The following IQCJ variants were observed in gnomAD, a reference collection of about 807,000 sequenced individuals.
The protein encoded by IQCJ is IQ motif containing J.
IQCJ carries 9 observed loss-of-function variants against 11.0 expected under a neutral mutation model. The observed-to-expected ratio is 0.82, with a 90% CI of 0.49 to 1.43. The LOEUF is 1.43. Among genes scored for constraint, IQCJ ranks in the 40% most tolerant of loss-of-function variants. The pLI, the probability that IQCJ is intolerant of heterozygous loss-of-function variation, is 0.00. For synonymous variants in IQCJ, 55 were observed against 51.3 expected (o/e 1.07, Z -0.31); for missense variants, 146 against 133.2 (o/e 1.10, Z -0.47).
At chr3:159,102,640 AT>A (rs1718006535) in intron 1 of IQCJ, among the ~76,000 whole-genome samples, 2 of 152,228 alleles carry the variant, frequency 1.3e-5, no homozygotes, top group African/African-American at 2.4e-5. Context: ...ATTGGCACTA[AT>A]GGCTTTGAAG....
chr3:159,154,622 G>A (rs1721413753), intron 1 of IQCJ, among the ~76,000 whole-genome samples: 1 of 152,114 alleles, frequency 6.6e-6, no homozygotes, highest in South Asian at 2.1e-4. Context: ...TGGTCTAGAG[G>A]TTTGGTCTAC....
chr3:159,117,167 A>G (rs1164000631), intron 1 of IQCJ, among the ~76,000 whole-genome samples: 1 of 152,172 alleles, frequency 6.6e-6, no homozygotes, highest in African/African-American at 2.4e-5. Context: ...AGCCCACATG[A>G]ATGTCACTAA....
At chr3:159,243,843 A>G (rs913584480) in intron 1 of IQCJ, among the ~76,000 whole-genome samples, 1 of 152,244 alleles carries the variant, frequency 6.6e-6, no homozygotes, top group African/African-American at 2.4e-5. Flanking sequence ...TAACCTAGAA[A>G]GCAGGGCAAT....
chr3:159,264,435 G>C (rs536502682), downstream of IQCJ, among the ~76,000 whole-genome samples: 15 of 152,298 alleles, frequency 9.8e-5, no homozygotes, highest in African/African-American at 3.6e-4. Flanking sequence ...TTAGCCTCCT[G>C]ATTCCTTGTT....
intron 1 of IQCJ, among the ~76,000 whole-genome samples, chr3:159,214,061 C>T (rs1302269420): frequency 1.3e-5 from 2 of 152,126 alleles, no homozygotes; most frequent in African/African-American, 4.8e-5. Flanking sequence ...TTACTTCCTG[C>T]TGATTCCTAA....
chr3:159,179,535 A>G (rs964395644), intron 1 of IQCJ, among the ~76,000 whole-genome samples: 1 of 152,176 alleles, frequency 6.6e-6, no homozygotes, highest in Admixed American at 6.5e-5. Flanking sequence ...AGGCTCTCAA[A>G]AGTGTGAATC....
chr3:159,159,727 T>C (rs1468742519), intron 1 of IQCJ, among the ~76,000 whole-genome samples: 1 of 152,190 alleles, frequency 6.6e-6, no homozygotes, highest in East Asian at 1.9e-4. Flanking sequence ...CTAGAGGAGA[T>C]GTTTGGGCCA....
In IQCJ at chr3:159,181,783, C is replaced by A. The variant is rs146159660; in HGVS notation, c.10-64060C>A. On this transcript the variant is annotated intron_variant, in intron 1 of 3. Transcript: ENST00000397832. ...TCTCTAATCTGTCCAATTCTGTGTTCCTATTGTGACTGCCCTGGCTTAGGC... is the reference window on the plus strand; with the variant it reads ...TCTCTAATCTGTCCAATTCTGTGTTACTATTGTGACTGCCCTGGCTTAGGC... 6.2e-4 allele frequency among the ~76,000 whole-genome samples: 94 copies of A among 151,950 alleles called. 3 individuals carry two copies. Among genetic ancestry groups the A allele is most frequent in the African/African-American group, 2.2e-3 (91 of 41,274 alleles).
intron 1 of IQCJ, among the ~76,000 whole-genome samples, chr3:159,082,490 G>A (rs1716384994): frequency 2.0e-5 from 3 of 151,836 alleles, no homozygotes; most frequent in East Asian, 1.9e-4. Context: ...GGAAAGATAT[G>A]TGAAAAAGGT....
chr3:159,114,311 A>ATT (rs1404341078), intron 1 of IQCJ, among the ~76,000 whole-genome samples: 4 of 116,702 alleles, frequency 3.4e-5, no homozygotes, highest in East Asian at 2.7e-4. Context: ...TTGTTTCTAA[A>ATT]TGTTTTTTTT....
chr3:159,156,996 G>A (rs997726123), intron 1 of IQCJ, among the ~76,000 whole-genome samples: 2 of 152,160 alleles, frequency 1.3e-5, no homozygotes, highest in Non-Finnish European at 2.9e-5. Context: ...GCATTTCAAA[G>A]CTGTAGATAA....
chr3:159,230,937 C>T (rs1334329274), intron 1 of IQCJ, among the ~76,000 whole-genome samples: 2 of 152,186 alleles, frequency 1.3e-5, no homozygotes, highest in East Asian at 3.9e-4. Context: ...TTTGAGGCCT[C>T]CTATTTTAGC....
chr3:159,150,248 C>G (rs1196040928), intron 1 of IQCJ, among the ~76,000 whole-genome samples: 2 of 152,026 alleles, frequency 1.3e-5, no homozygotes, highest in South Asian at 2.1e-4. Context: ...GGATGGAAAC[C>G]GATAGAAAGT....
chr3:159,132,839 C>T (rs1273163903), intron 1 of IQCJ, among the ~76,000 whole-genome samples: 1 of 152,086 alleles, frequency 6.6e-6, no homozygotes, highest in African/African-American at 2.4e-5. Flanking sequence ...AAAGCAAAAA[C>T]GTGAGAATAC....
intron 1 of IQCJ, among the ~76,000 whole-genome samples, chr3:159,240,392 A>G (rs1012423087): frequency 6.6e-6 from 1 of 152,166 alleles, no homozygotes. Context: ...CTAACTGCCT[A>G]AAAAGAATCC....
chr3:159,256,686 A>G (rs543503035), intron 3 of IQCJ, among the ~76,000 whole-genome samples: 12 of 152,334 alleles, frequency 7.9e-5, no homozygotes, highest in Admixed American at 3.3e-4. Context: ...AAAATTCAAG[A>G]CTAGACATTT....
chr3:159,104,256 C>T (rs906526936), intron 1 of IQCJ, among the ~76,000 whole-genome samples: 2 of 152,204 alleles, frequency 1.3e-5, no homozygotes, highest in Admixed American at 1.3e-4. Context: ...TGAGCTAACC[C>T]ACTCCTTAGT....
chr3:159,260,015 C>T (rs540240588), intron 3 of IQCJ, among the ~76,000 whole-genome samples: 145 of 152,246 alleles, frequency 9.5e-4, no homozygotes, highest in African/African-American at 3.3e-3. Flanking sequence ...GTTTTAAATA[C>T]ATATTTTAAA....
chr3:159,162,011 C>T (rs1048645011), intron 1 of IQCJ, among the ~76,000 whole-genome samples: 10 of 152,098 alleles, frequency 6.6e-5, no homozygotes, highest in African/African-American at 9.7e-5. Flanking sequence ...CTTGGCGACA[C>T]GGGCTCTTTT....
Sources: allele counts gnomAD v4.1 joint callset (sites outside exome capture counted in the v4.1 genomes callset), GRCh38; gene constraint gnomAD v4.1.1; transcripts MANE v1.5; gene names NCBI Gene and HGNC (gene_info 2026-07-23, HGNC 2026-07-21).